Variants in CYYR1 observed in about 807,000 individuals in gnomAD.
CYYR1 encodes the protein cysteine and tyrosine-rich protein 1.
Under a neutral mutation model 15.2 loss-of-function variants are expected in CYYR1, and 14 were observed. The observed-to-expected ratio is 0.92, with a 90% CI of 0.61 to 1.44. The LOEUF is 1.44. Among genes scored for constraint, CYYR1 ranks in the 40% most tolerant of loss-of-function variants. The pLI, the probability that CYYR1 is intolerant of heterozygous loss-of-function variation, is 0.00. For synonymous variants in CYYR1, 80 were observed against 77.4 expected (o/e 1.03, Z -0.18); for missense variants, 228 against 209.5 (o/e 1.09, Z -0.54).
At chr21:26,498,713 T>C (rs2065440836) in intron 2 of CYYR1, among the ~76,000 whole-genome samples, 1 of 152,178 alleles carries the variant, frequency 6.6e-6, no homozygotes, top group African/African-American at 2.4e-5. Context: ...TTTAATTGAC[T>C]CACACTTCCG....
intron 2 of CYYR1, among the ~76,000 whole-genome samples, chr21:26,519,806 T>C (rs891003252): frequency 3.3e-5 from 5 of 152,106 alleles, no homozygotes; most frequent in African/African-American, 4.8e-5. Context: ...AGTTCAACCA[T>C]TGTGGAAGAT....
chr21:26,538,184 G>A (rs1343350793), intron 2 of CYYR1, among the ~76,000 whole-genome samples: 1 of 152,194 alleles, frequency 6.6e-6, no homozygotes, highest in African/African-American at 2.4e-5. Flanking sequence ...TCACTGCACA[G>A]GTAAATGTGT....
intron 2 of CYYR1, among the ~76,000 whole-genome samples, chr21:26,560,769 C>T (rs533245811): frequency 1.3e-5 from 2 of 152,192 alleles, no homozygotes; most frequent in Non-Finnish European, 2.9e-5. Context: ...TTTGTGCTTC[C>T]AGTGGCAAGT....
At chr21:26,499,500 AT>A (rs2065451749) in intron 2 of CYYR1, among the ~76,000 whole-genome samples, 1 of 152,176 alleles carries the variant, frequency 6.6e-6, no homozygotes, top group Non-Finnish European at 1.5e-5. Flanking sequence ...TTTAGTTAAA[AT>A]TTTTTGGTAA....
chr21:26,488,127 A>T (rs1445381164), intron 2 of CYYR1, among the ~76,000 whole-genome samples: 1 of 152,148 alleles, frequency 6.6e-6, no homozygotes, highest in African/African-American at 2.4e-5. Context: ...TACGTGATTT[A>T]TTGACTCAAG....
At chr21:26,522,300 C>T (rs867426657) in intron 2 of CYYR1, among the ~76,000 whole-genome samples, 14 of 152,070 alleles carry the variant, frequency 9.2e-5, no homozygotes, top group Non-Finnish European at 1.8e-4. Flanking sequence ...TAAAATTATT[C>T]GCAAAGTTGT....
At chr21:26,521,132 CAT>C (rs1569158827) in intron 2 of CYYR1, among the ~76,000 whole-genome samples, 1 of 152,172 alleles carries the variant, frequency 6.6e-6, no homozygotes, top group Non-Finnish European at 1.5e-5. Flanking sequence ...CACCATGGTA[CAT>C]GTTTACCTGT....
intron 2 of CYYR1, among the ~76,000 whole-genome samples, chr21:26,521,788 GA>G (rs2123563590): frequency 6.6e-6 from 1 of 152,252 alleles, no homozygotes; most frequent in South Asian, 2.1e-4. Context: ...TATCAAAGAA[GA>G]AAATATGAAA....
At chr21:26,501,355 T>G (rs938592652) in intron 2 of CYYR1, among the ~76,000 whole-genome samples, 2 of 152,050 alleles carry the variant, frequency 1.3e-5, no homozygotes, top group African/African-American at 4.8e-5. Context: ...ACAAATAAAA[T>G]CAGCAAGATG....
intron 2 of CYYR1, among the ~76,000 whole-genome samples, chr21:26,515,403 A>C (rs1306979803): frequency 6.6e-6 from 1 of 152,026 alleles, no homozygotes; most frequent in African/African-American, 2.4e-5. Context: ...TTGTCGCCCA[A>C]GGCTGGAGTG....
At chr21:26,499,590 GCATTTGGGT>G (rs2065452919) in intron 2 of CYYR1, among the ~76,000 whole-genome samples, 1 of 152,192 alleles carries the variant, frequency 6.6e-6, no homozygotes, top group South Asian at 2.1e-4. Context: ...AAAACCTGGT[GCATTTGGGT>G]CACTGTACAA....
intron 1 of CYYR1, chr21:26,568,021 TAA>T (rs1413130606): frequency 1.3e-5 from 2 of 152,210 alleles, no homozygotes; most frequent in African/African-American, 2.4e-5. Flanking sequence ...AAGCGAAAAA[TAA>T]TTACCTTTGT....
At chr21:26,515,770 T>C (rs1024019763) in intron 2 of CYYR1, among the ~76,000 whole-genome samples, 1 of 152,208 alleles carries the variant, frequency 6.6e-6, no homozygotes, top group Admixed American at 6.5e-5. Flanking sequence ...TCTCCCACAA[T>C]GCTTATACTG....
chr21:26,529,070 T>C (rs2065898613), intron 2 of CYYR1, among the ~76,000 whole-genome samples: 1 of 152,180 alleles, frequency 6.6e-6, no homozygotes, highest in African/African-American at 2.4e-5. Flanking sequence ...CACTGATACT[T>C]TATATATAGT....
intron 2 of CYYR1, among the ~76,000 whole-genome samples, chr21:26,496,423 A>G (rs550743732): frequency 6.6e-6 from 1 of 152,370 alleles, no homozygotes; most frequent in Admixed American, 6.5e-5. Context: ...ACTTCCATCA[A>G]CAGAGATTAT....
At chr21:26,485,429 A>G (rs2065237147) in intron 2 of CYYR1, among the ~76,000 whole-genome samples, 1 of 152,092 alleles carries the variant, frequency 6.6e-6, no homozygotes, top group Non-Finnish European at 1.5e-5. Flanking sequence ...TTCCATCATC[A>G]CAAAATATTT....
intron 2 of CYYR1, among the ~76,000 whole-genome samples, chr21:26,513,331 A>G (rs222922): frequency 0.016 from 2,426 of 152,268 alleles, 36 homozygotes; most frequent in South Asian, 0.089. Flanking sequence ...ACCTCTAAGA[A>G]TGCTGCAGAC....
intron 2 of CYYR1, among the ~76,000 whole-genome samples, chr21:26,539,327 T>A (rs1978385815): frequency 6.6e-6 from 1 of 151,970 alleles, no homozygotes; most frequent in Non-Finnish European, 1.5e-5. Context: ...AGGGGACAAA[T>A]CTCTCTTCAG....
At chr21:26,505,084 A>G (rs1382030585) in intron 2 of CYYR1, among the ~76,000 whole-genome samples, 1 of 152,236 alleles carries the variant, frequency 6.6e-6, no homozygotes, top group African/African-American at 2.4e-5. Context: ...AAAAATGTTT[A>G]TGCTGAAAGG....
Sources: gnomAD v4.1 joint callset for allele counts (sites outside exome capture counted in the v4.1 genomes callset) on GRCh38, gnomAD v4.1.1 for gene constraint, MANE v1.5 for transcripts, NCBI Gene and HGNC (gene_info 2026-07-23, HGNC 2026-07-21) for gene names.